DSCAM: variants seen among roughly 807,000 people sequenced by gnomAD.
DSCAM encodes the protein cell adhesion molecule DSCAM.
A neutral mutation model predicts 217.7 loss-of-function variants in DSCAM; 47 were observed. That is an observed-to-expected ratio of 0.22 (90% confidence interval 0.17 to 0.28). The LOEUF is 0.28. Ranked by LOEUF, DSCAM falls within the 10% of genes least tolerant of loss-of-function variation. The pLI, the probability that DSCAM is intolerant of heterozygous loss-of-function variation, is 1.00. For missense variants in DSCAM, 2,080 were observed against 2,618.3 expected, an observed-to-expected ratio of 0.79 and a Z score of 4.49; for synonymous variants, 1,056 against 1,015.3, an observed-to-expected ratio of 1.04 and a Z score of -0.76.
intron 16 of DSCAM, among the ~76,000 whole-genome samples, chr21:40,166,635 T>C (rs1236010745): frequency 1.3e-5 from 2 of 152,242 alleles, no homozygotes; most frequent in Non-Finnish European, 2.9e-5. Context: ...TGGCTCAAGC[T>C]TTCTTTCTCT....
rs528604779 is a variant in DSCAM at position 40,016,643 on chromosome 21, C to T, written c.5687-3257G>A. Reference sequence around the variant, plus strand: ...TCCAGCCCCTTTGGACCCATAGGCCCCGAAGGTGCAGGCTGAGGGGATCTG... The same window carrying T: ...TCCAGCCCCTTTGGACCCATAGGCCTCGAAGGTGCAGGCTGAGGGGATCTG... On this transcript the variant is annotated intron_variant, in intron 32 of 32. Coordinates refer to ENST00000400454, the MANE Select transcript of DSCAM (RefSeq NM_001389.5). This position sits in a 1 kb window ranked among gnomAD's most constrained non-coding sequence, Gnocchi z 4.3. Among the ~76,000 whole-genome samples, 4 of 152,280 alleles carry T rather than the reference C, an allele frequency of 2.6e-5. No homozygotes were observed. Among genetic ancestry groups the T allele is most frequent in the South Asian group, 2.1e-4 (1 of 4,828 alleles).
chr21:40,620,957 T>C (rs775035402), intron 3 of DSCAM, among the ~76,000 whole-genome samples: 5 of 152,192 alleles, frequency 3.3e-5, no homozygotes, highest in Non-Finnish European at 7.3e-5. Context: ...TCAGATGCAT[T>C]ATAAGTGAAA....
intron 1 of DSCAM, among the ~76,000 whole-genome samples, chr21:40,791,838 C>T (rs574975462): frequency 1.3e-5 from 2 of 152,246 alleles, no homozygotes; most frequent in South Asian, 2.1e-4. Context: ...AAGCTCAGCA[C>T]TGCAGTCCAT....
At chr21:40,071,572 CT>C (rs2089293315) in intron 27 of DSCAM, among the ~76,000 whole-genome samples, 1 of 152,224 alleles carries the variant, frequency 6.6e-6, no homozygotes, top group Non-Finnish European at 1.5e-5. Context: ...CCTAATCACT[CT>C]AAAAACATCC....
In DSCAM at chr21:40,490,417, C is replaced by T. The variant is rs541675973; in HGVS notation, c.509-121172G>A. On this transcript the variant is annotated intron_variant, in intron 3 of 32. Transcript: ENST00000400454. Reference sequence around the variant, plus strand: ...CTTTTACTTACTATGTAGGTTCACACAGTATATTTTCATTACATGGATGTT... The same window carrying T: ...CTTTTACTTACTATGTAGGTTCACATAGTATATTTTCATTACATGGATGTT... Among the ~76,000 whole-genome samples the T allele has an allele frequency of 2.0e-5, 3 of 152,306 alleles. No individual in the cohort carries two copies. In the South Asian group the frequency reaches 6.2e-4, roughly 32 times the overall value.
chr21:40,585,455 A>G (rs1302146129), intron 3 of DSCAM, among the ~76,000 whole-genome samples: 1 of 151,694 alleles, frequency 6.6e-6, no homozygotes, highest in Non-Finnish European at 1.5e-5. Context: ...AAAAATGCTT[A>G]AAAGAACACA....
intron 3 of DSCAM, among the ~76,000 whole-genome samples, chr21:40,660,545 T>G (rs942519739): frequency 6.6e-6 from 1 of 152,260 alleles, no homozygotes. Context: ...GAGGTTCTAT[T>G]TGAGCCTTGT....
chr21:40,375,713 C>A (rs566012440), intron 3 of DSCAM, among the ~76,000 whole-genome samples: 1 of 152,320 alleles, frequency 6.6e-6, no homozygotes, highest in East Asian at 1.9e-4. Flanking sequence ...TTACATAGAA[C>A]AGTACTTGGC....
chr21:40,210,048 A>G (rs2146877003), intron 11 of DSCAM, among the ~76,000 whole-genome samples: 1 of 152,188 alleles, frequency 6.6e-6, no homozygotes, highest in African/African-American at 2.4e-5. Flanking sequence ...TTACCCAGAC[A>G]TTCCACCCCA....
intron 1 of DSCAM, among the ~76,000 whole-genome samples, chr21:40,835,873 T>C (rs1001571852): frequency 2.0e-5 from 3 of 152,242 alleles, no homozygotes; most frequent in African/African-American, 4.8e-5. Context: ...TATGCCCTTA[T>C]ATGCCAGCTT....
At chr21:40,833,999 ACTGTCCTCTGTGGGTGC>A (rs1460618481) in intron 1 of DSCAM, among the ~76,000 whole-genome samples, 1 of 152,148 alleles carries the variant, frequency 6.6e-6, no homozygotes. Context: ...GACATTGCTC[ACTGTCCTCTGTGGGTGC>A]AAAATTGCCC....
In DSCAM at chr21:40,242,976, C is replaced by T. The variant is rs977949362; in HGVS notation, c.2356+33121G>A. ...CAACTTCTGTCCTTGAAGGTGACCC[C>T]TTATTACCCATTTTATTCTAGTAAC... On this transcript the variant is annotated intron_variant, in intron 11 of 32. Coordinates refer to ENST00000400454, the MANE Select transcript of DSCAM (RefSeq NM_001389.5). 5.3e-5 allele frequency among the ~76,000 whole-genome samples: 8 copies of T among 152,320 alleles called. No individual in the cohort carries two copies. In the South Asian group the frequency reaches 8.3e-4, roughly 16 times the overall value.
At chr21:40,158,035 A>T (rs2090498627) in intron 16 of DSCAM, among the ~76,000 whole-genome samples, 1 of 152,162 alleles carries the variant, frequency 6.6e-6, no homozygotes, top group Non-Finnish European at 1.5e-5. Context: ...AGCCTTGACT[A>T]AAGAGAATTT....
rs1210238988 is a variant in DSCAM, at chr21:40,745,927, TGTA to T, written c.44-37159_44-37157del. Among the ~76,000 whole-genome samples, 7 of 152,214 alleles carry T rather than the reference TGTA, an allele frequency of 4.6e-5. No individual in the cohort carries two copies. The East Asian group carries it at 1.2e-3, about 25-fold the overall frequency. On this transcript the variant is annotated intron_variant, in intron 1 of 32. Transcript: ENST00000400454. ...TGAACGTGTGTGGGATGGTGTTAAA[TGTA>T]GTTTGTTTTTCTTGCTTTAATTTGC...
rs1480090259 is a variant in DSCAM at position 40,046,985 on chromosome 21, T to C, written c.5186-2710A>G. Among the ~76,000 whole-genome samples, 3 of 152,046 alleles carry C rather than the reference T, an allele frequency of 2.0e-5. No homozygotes were observed. In the East Asian group the frequency reaches 5.8e-4, roughly 29 times the overall value. ...GCACATGCAGCCTTGATTCAAAGCC[T>C]GGTCTCTTTTCAAGTTAATTTTGTT... On this transcript the variant is annotated intron_variant, in intron 30 of 32. Coordinates refer to ENST00000400454, the MANE Select transcript of DSCAM (RefSeq NM_001389.5).
intron 32 of DSCAM, among the ~76,000 whole-genome samples, chr21:40,028,599 G>A (rs1050627610): frequency 3.3e-5 from 5 of 152,316 alleles, no homozygotes; most frequent in African/African-American, 1.2e-4. Context: ...TCGGGTGGGA[G>A]TGACCCGATT....
At position 40,846,812 on chromosome 21, in the gene DSCAM, G is replaced by A. The variant is rs1428708668; in HGVS notation, c.-151C>T. ...CGCCGCCGCCGCTGCCTAGCCGCCC[G>A]GGCACGCGGCGCGGCCGGGCTCCGG... is the stretch of plus-strand genomic sequence containing the variant. On this transcript the variant is annotated 5_prime_UTR_variant, in exon 1 of 33. Coordinates refer to ENST00000400454, the MANE Select transcript of DSCAM (RefSeq NM_001389.5). The A allele has an allele frequency of 1.2e-5, 2 of 172,742 alleles. No homozygotes were observed. Among genetic ancestry groups the A allele is most frequent in the South Asian group, 1.8e-4 (1 of 5,644 alleles). 10.7% of individuals were successfully genotyped at this position (172,742 alleles called of 1,614,324 possible).
At chr21:40,736,707 C>G (rs1417774025) in intron 1 of DSCAM, among the ~76,000 whole-genome samples, 1 of 152,148 alleles carries the variant, frequency 6.6e-6, no homozygotes, top group Non-Finnish European at 1.5e-5. Context: ...GTGTCAAGAA[C>G]CAGGGACAAA....
At chr21:40,277,763 GAGA>G (rs2073707174) in intron 10 of DSCAM, among the ~76,000 whole-genome samples, 1 of 149,654 alleles carries the variant, frequency 6.7e-6, no homozygotes, top group Non-Finnish European at 1.5e-5. Context: ...CCAGCTACTT[GAGA>G]GGCTGAGGCA....
Sources: gnomAD v4.1 joint callset for allele counts (sites outside exome capture counted in the v4.1 genomes callset) on GRCh38, gnomAD v4.1.1 for gene constraint, Gnocchi (gnomAD v3.1) non-coding constraint, MANE v1.5 for transcripts, NCBI Gene and HGNC (gene_info 2026-07-23, HGNC 2026-07-21) for gene names.